Variants in PPME1 observed in about 807,000 individuals in gnomAD.
PPME1 encodes the protein testicular secretory protein Li 39.
In PPME1, 17 loss-of-function variants were observed where a neutral mutation model predicts 56.9. The observed-to-expected ratio is 0.30, with a 90% CI of 0.20 to 0.45. The LOEUF is 0.45. Ranked by LOEUF, PPME1 falls within the 20% of genes least tolerant of loss-of-function variation. The pLI, the probability that PPME1 is intolerant of heterozygous loss-of-function variation, is 1.00. For synonymous variants in PPME1, 122 were observed against 156.2 expected (o/e 0.78, Z 1.63); for missense variants, 357 against 483.2 (o/e 0.74, Z 2.45).
At chr11:74,176,133 A>G (rs982835978) in intron 1 of PPME1, among the ~76,000 whole-genome samples, 4 of 152,234 alleles carry the variant, frequency 2.6e-5, no homozygotes, top group African/African-American at 9.6e-5. Flanking sequence ...ATAAGCTCTT[A>G]AAGAATGATA....
At chr11:74,245,361 C>G (rs1859476923) in intron 9 of PPME1, among the ~76,000 whole-genome samples, 1 of 151,968 alleles carries the variant, frequency 6.6e-6, no homozygotes, top group African/African-American at 2.4e-5. Context: ...GTGGTTGATT[C>G]AGTATATTTA....
At chr11:74,237,451 A>AT (rs1398045607) in intron 8 of PPME1, among the ~76,000 whole-genome samples, 1 of 151,322 alleles carries the variant, frequency 6.6e-6, no homozygotes, top group Non-Finnish European at 1.5e-5. Context: ...AATTTTTTAT[A>AT]TTTTTAGTAG....
At chr11:74,197,248 C>T (rs536070614) in intron 1 of PPME1, among the ~76,000 whole-genome samples, 2 of 152,186 alleles carry the variant, frequency 1.3e-5, no homozygotes, top group East Asian at 1.9e-4. Flanking sequence ...ATTGAGAAAC[C>T]CAGCTAAGTG....
chr11:74,199,086 G>A (rs1858073493), intron 1 of PPME1, among the ~76,000 whole-genome samples: 1 of 152,146 alleles, frequency 6.6e-6, no homozygotes, highest in Non-Finnish European at 1.5e-5. Context: ...CCCTATGACA[G>A]GCAGCAGGCT....
At chr11:74,251,969 T>A in intron 13 of PPME1, 1 of 682,430 alleles carries the variant, frequency 1.5e-6, no homozygotes, top group Non-Finnish European at 2.7e-6. Context: ...CCCACTGTGA[T>A]GTGCATTTCT....
chr11:74,235,989 G>A (rs1440596093), intron 8 of PPME1, 23 bp downstream of exon 8: 3 of 1,608,142 alleles, frequency 1.9e-6, no homozygotes, highest in Admixed American at 1.7e-5. Flanking sequence ...CTTCCCCCTT[G>A]GTCTGGTTAG....
At chr11:74,181,314 C>T (rs796797861) in intron 1 of PPME1, among the ~76,000 whole-genome samples, 1 of 152,076 alleles carries the variant, frequency 6.6e-6, no homozygotes, top group Admixed American at 6.5e-5. Context: ...TCCCAAAGTG[C>T]TGGGATTACA....
intron 11 of PPME1, chr11:74,247,466 C>G (rs1302642052): frequency 1.2e-5 from 2 of 167,820 alleles, no homozygotes; most frequent in African/African-American, 4.9e-5. Context: ...GACTACTGAT[C>G]AGTTTTTTGT....
intron 3 of PPME1, among the ~76,000 whole-genome samples, chr11:74,215,899 A>G (rs944993165): frequency 1.3e-5 from 2 of 152,200 alleles, no homozygotes; most frequent in African/African-American, 4.8e-5. Context: ...AACTATAAAA[A>G]GAGGCAAAAG....
chr11:74,199,412 G>T (rs977342619), intron 1 of PPME1, among the ~76,000 whole-genome samples: 10 of 152,148 alleles, frequency 6.6e-5, no homozygotes, highest in African/African-American at 2.4e-4. Flanking sequence ...TCCTATGTCA[G>T]TTCCAGCCTT....
intron 1 of PPME1, among the ~76,000 whole-genome samples, chr11:74,173,149 T>C (rs1161447983): frequency 1.3e-5 from 2 of 152,206 alleles, no homozygotes; most frequent in African/African-American, 4.8e-5. Context: ...GAAGATTGTT[T>C]TGGCTTTGGA....
At chr11:74,226,844 T>A (rs1480150647) in intron 5 of PPME1, among the ~76,000 whole-genome samples, 1 of 152,060 alleles carries the variant, frequency 6.6e-6, no homozygotes, top group Admixed American at 6.6e-5. Flanking sequence ...GAATGAGCGA[T>A]TGGTAGTAAG....
chr11:74,251,676 T>A lies in PPME1; in HGVS notation c.1103T>A (p.Ile368Asn). 3 of 1,613,880 alleles carry A rather than the reference T, an allele frequency of 1.9e-6. No homozygotes were observed. The highest frequency in any genetic ancestry group is 1.7e-6 in the Non-Finnish European group (2 of 1,179,832). Residue 368 changes from isoleucine (I) to asparagine (N), a missense_variant, in exon 13 of 14, where the codon ATC (isoleucine) becomes AAC (asparagine). Ile to Asn is a moderately radical substitution (Grantham distance 149). Around this residue, in one of 2 missense-constraint regions of PPME1, gnomAD observed 182 missense variants for 293.8 expected, o/e 0.62. Transcript: ENST00000328257. ...KVAEAVATFL[I>N]RHRFAEPIGG... ...GCTGAAGCTGTTGCCACTTTCCTGA[T>A]CCGGCACAGGTTTGCAGAACCCATC...
chr11:74,187,807 A>G (rs928944039), intron 1 of PPME1, among the ~76,000 whole-genome samples: 1 of 152,228 alleles, frequency 6.6e-6, no homozygotes, highest in Non-Finnish European at 1.5e-5. Context: ...ACCTGTGAAT[A>G]TGTTATTTTA....
At chr11:74,185,737 AATTTAGAAAATTT>A (rs1402079083) in intron 1 of PPME1, among the ~76,000 whole-genome samples, 1 of 151,992 alleles carries the variant, frequency 6.6e-6, no homozygotes, top group Non-Finnish European at 1.5e-5. Flanking sequence ...GTGGAAATAA[AATTTAGAAAATTT>A]ATTTTCTAAT....
intron 7 of PPME1, among the ~76,000 whole-genome samples, chr11:74,235,392 T>G (rs2135666665): frequency 6.6e-6 from 1 of 152,116 alleles, no homozygotes; most frequent in East Asian, 1.9e-4. Flanking sequence ...TGCACCCAGT[T>G]CTCTAAAATC....
At chr11:74,178,241 G>A (rs1470340657) in intron 1 of PPME1, among the ~76,000 whole-genome samples, 3 of 152,128 alleles carry the variant, frequency 2.0e-5, no homozygotes, top group Non-Finnish European at 2.9e-5. Flanking sequence ...AAAAAGAAGC[G>A]GGGGCCAAAG....
At position 74,188,231 on chromosome 11, in the gene PPME1, G is replaced by T. The variant is rs1218912639; in HGVS notation, c.102-15497G>T. The stretch of plus-strand genomic sequence containing the variant: ...TGAGATGGAGTCTCGCTCTCACCCA[G>T]GCTGGAGTGAAAGTGGCACTATCTC... On this transcript the variant is annotated intron_variant, in intron 1 of 13. Coordinates refer to ENST00000328257, the MANE Select transcript of PPME1 (RefSeq NM_016147.3). Among the ~76,000 whole-genome samples the T allele has an allele frequency of 4.1e-5, 6 of 145,902 alleles. No individual in the cohort carries two copies. In the East Asian group the frequency reaches 1.2e-3, roughly 29 times the overall value.
chr11:74,196,983 G>A lies in PPME1; in HGVS notation c.102-6745G>A, dbSNP rs116167896. On this transcript the variant is annotated intron_variant, in intron 1 of 13. Transcript: ENST00000328257. ...GCCTAACTTTCTGAGAATGCAGCCC[G>A]GCAAGTCCCAGCCTCATTTTCCTAG... 3.2e-3 allele frequency among the ~76,000 whole-genome samples: 489 copies of A among 152,214 alleles called. 6 individuals are homozygous for A. Among genetic ancestry groups the A allele is most frequent in the African/African-American group, 0.011 (469 of 41,524 alleles).
Sources: gnomAD v4.1 joint callset for allele counts (sites outside exome capture counted in the v4.1 genomes callset) on GRCh38, gnomAD v4.1.1 for gene constraint, gnomAD v4.1.1 regional missense constraint, MANE v1.5 for transcripts, NCBI Gene and HGNC (gene_info 2026-07-23, HGNC 2026-07-21) for gene names.